The following OS9 variants were observed in gnomAD, a reference collection of about 807,000 sequenced individuals.
OS9 encodes OS9 endoplasmic reticulum lectin.
Under a neutral mutation model 84.7 loss-of-function variants are expected in OS9, and 58 were observed. That is an observed-to-expected ratio of 0.68 (90% CI 0.55 to 0.85). OS9 has a LOEUF of 0.85. Ranked by LOEUF, OS9 falls within the 40% of genes least tolerant of loss-of-function variation. The pLI is 0.00. For synonymous variants in OS9, 278 were observed against 320.8 expected, an observed-to-expected ratio of 0.87 and a Z score of 1.43; for missense variants, 760 against 850.9, an observed-to-expected ratio of 0.89 and a Z score of 1.33.
intron 5 of OS9, among the ~76,000 whole-genome samples, chr12:57,701,545 G>T (rs1954026792): frequency 6.6e-6 from 1 of 151,808 alleles, no homozygotes. Flanking sequence ...CAAAGTGCTG[G>T]GATTACAGGT....
intron 12 of OS9, 159 bp from the exon 13 acceptor site, chr12:57,719,940 G>A (rs1954623093): frequency 7.6e-6 from 5 of 660,894 alleles, no homozygotes; most frequent in Non-Finnish European, 1.3e-5. Context: ...TGAACTGGGA[G>A]GGGCGGGGCA....
chr12:57,699,817 T>C (rs1355880744), intron 5 of OS9, among the ~76,000 whole-genome samples: 2 of 152,056 alleles, frequency 1.3e-5, no homozygotes, highest in Non-Finnish European at 2.9e-5. Context: ...GGAACTCTGC[T>C]GGGCGCGGTG....
intron 12 of OS9, chr12:57,719,394 A>G (rs1332660691): frequency 2.3e-5 from 13 of 570,760 alleles, no homozygotes; most frequent in Non-Finnish European, 4.1e-5. Flanking sequence ...AGCAGCTTTT[A>G]GAGCATATCT....
chr12:57,697,861 A>AC lies in OS9; in HGVS notation c.579+1488_579+1489insC, dbSNP rs1171398793. Among the ~76,000 whole-genome samples, 32 of 140,568 alleles carry AC rather than the reference A, an allele frequency of 2.3e-4. 1 individual carries two copies. Among genetic ancestry groups the AC allele is most frequent in the African/African-American group, 8.2e-4 (30 of 36,684 alleles). 92.2% of individuals were successfully genotyped at this position (140,568 alleles called of 152,430 possible). ...AACTCCCAGGGAACCTAACATAAGC[A>AC]AACACACACACACACACACACACAC... On this transcript the variant is annotated intron_variant, in intron 5 of 14. Transcript: ENST00000315970.
In OS9 at chr12:57,715,763, C is replaced by T; in HGVS notation, c.583C>T (p.Leu195Phe). ...TTCATCCTTTCTGTCCTGGCAGTTC[C>T]TCTGTGACGAGGGTGCAGGTATCTC... Reference protein sequence around the residue: ...GRPREAEVRFLCDEGAGISGD... With the variant: ...GRPREAEVRFFCDEGAGISGD... Residue 195 changes from leucine (L) to phenylalanine (F), a missense_variant, in exon 6 of 15, where the codon CTC becomes TTC. Physicochemically the swap from Leu to Phe is conservative, Grantham distance 22. Transcript: ENST00000315970. The T allele has an allele frequency of 1.2e-6, 2 of 1,601,304 alleles. No individual in the cohort carries two copies. Among genetic ancestry groups the T allele is most frequent in the Non-Finnish European group, 1.7e-6 (2 of 1,172,872 alleles).
At chr12:57,703,883 T>A (rs1954093392) in intron 5 of OS9, among the ~76,000 whole-genome samples, 1 of 152,222 alleles carries the variant, frequency 6.6e-6, no homozygotes, top group African/African-American at 2.4e-5. Flanking sequence ...CCTTGTCTTG[T>A]TCCTAATCTT....
At chr12:57,696,469 G>GT in intron 5 of OS9, 96 bp downstream of exon 5, 1 of 481,418 alleles carries the variant, frequency 2.1e-6, no homozygotes, top group Non-Finnish European at 3.6e-6. Flanking sequence ...GGGGCGGGGG[G>GT]GGTCCCCTCC....
At chr12:57,695,348 C>T (rs915489269) in intron 2 of OS9, 3 of 382,784 alleles carry the variant, frequency 7.8e-6, no homozygotes, top group Non-Finnish European at 1.5e-5. Flanking sequence ...AGAGTGTAAA[C>T]TCCATGAGGT....
intron 8 of OS9, 68 bp from the exon 9 acceptor site, chr12:57,716,625 T>C (rs1371069749): frequency 3.9e-6 from 6 of 1,543,800 alleles, no homozygotes; most frequent in Middle Eastern, 3.4e-4. Context: ...CCCCAGAACC[T>C]TTGCCTTCAT....
intron 8 of OS9, 70 bp downstream of exon 8, chr12:57,716,582 G>A (rs1029053770): frequency 8.4e-5 from 127 of 1,507,552 alleles, no homozygotes; most frequent in Non-Finnish European, 1.1e-4. Context: ...CCATTGTGAG[G>A]TGACCTACAT....
intron 5 of OS9, among the ~76,000 whole-genome samples, chr12:57,706,210 T>C (rs1463996396): frequency 6.6e-6 from 1 of 152,212 alleles, no homozygotes; most frequent in Non-Finnish European, 1.5e-5. Context: ...ATTTTCACCA[T>C]GTATAGGTGT....
chr12:57,709,966 C>T (rs906507547), intron 5 of OS9, among the ~76,000 whole-genome samples: 17 of 151,976 alleles, frequency 1.1e-4, no homozygotes, highest in Admixed American at 3.3e-4. Flanking sequence ...GATTCTCGTG[C>T]GTCAGCCTCC....
intron 4 of OS9, 81 bp from the exon 5 acceptor site, chr12:57,696,194 T>C: frequency 1.5e-6 from 2 of 1,304,972 alleles, no homozygotes; most frequent in Non-Finnish European, 2.2e-6. Context: ...GCCATTCTTT[T>C]GTCTCTTTGG....
intron 9 of OS9, among the ~76,000 whole-genome samples, chr12:57,717,494 T>A (rs1463912710): frequency 6.6e-6 from 1 of 151,994 alleles, no homozygotes; most frequent in Non-Finnish European, 1.5e-5. Flanking sequence ...TAACACACCA[T>A]GTTGAAAAAG....
chr12:57,705,238 C>T (rs1048469074), intron 5 of OS9, among the ~76,000 whole-genome samples: 1 of 152,168 alleles, frequency 6.6e-6, no homozygotes, highest in Non-Finnish European at 1.5e-5. Flanking sequence ...TCTGTTAAAA[C>T]TCCTTTTGGG....
At chr12:57,706,126 G>A (rs1040694385) in intron 5 of OS9, among the ~76,000 whole-genome samples, 2 of 152,174 alleles carry the variant, frequency 1.3e-5, no homozygotes, top group Admixed American at 6.5e-5. Flanking sequence ...TTAGCGTGAT[G>A]TTTTCCTGCA....
Position 57,719,099 on chromosome 12 carries a change from A to C in OS9, c.1517A>C (p.Glu506Ala), listed in dbSNP as rs1954599862. 1 of 1,614,024 alleles carries C rather than the reference A, an allele frequency of 6.2e-7. No individual in the cohort carries two copies. The highest frequency in any genetic ancestry group is 1.7e-5 in the Admixed American group (1 of 59,996). The change falls in exon 12 of 15, where the codon GAA (glutamate) becomes GCA (alanine). Residue 506 changes from glutamate (E) to alanine (A), a missense_variant. Transcript: ENST00000315970. ...TLNKLIKRLE[E>A]KQSPELVKKH... ...AACAAACTCATCAAAAGACTGGAGG[A>C]AAAACAGAGTCCAGAGCTGGTGAAG...
Position 57,717,951 on chromosome 12 carries a change from C to T in OS9, c.1127C>T (p.Thr376Ile). The change falls in exon 10 of 15, where the codon ACA becomes ATA. Residue 376 changes from threonine to isoleucine, a missense_variant. Transcript: ENST00000315970. ...TTCATAGAGGAGCTGAAAGGTGGAA[C>T]AAAAAAGGTATAGGCCGTGCTTAGG... is the stretch of plus-strand genomic sequence containing the variant. ...IRFIEELKGGTKKGKPNIGQE... is the reference protein window; with the variant it reads ...IRFIEELKGGIKKGKPNIGQE... The T allele has an allele frequency of 6.2e-7, 1 of 1,611,090 alleles. No homozygotes were observed. Among genetic ancestry groups the T allele is most frequent in the South Asian group, 1.1e-5 (1 of 90,420 alleles).
Position 57,696,340 on chromosome 12 carries a change from C to A in OS9, c.546C>A (p.Asp182Glu). 6 of 1,613,144 alleles carry A rather than the reference C, an allele frequency of 3.7e-6. No individual in the cohort carries two copies. The highest frequency in any genetic ancestry group is 5.1e-6 in the Non-Finnish European group (6 of 1,179,544). ...SQTYGNGSKC[D>E]LNGRPREAEV... ...CCTATGGCAATGGGTCCAAGTGCGA[C>A]CTTAATGGGAGGCCCCGGGAGGCCG... Residue 182 changes from aspartate (D) to glutamate (E), a missense_variant, in exon 5 of 15, where the codon GAC becomes GAA. Transcript: ENST00000315970.
Sources: allele counts gnomAD v4.1 joint callset (sites outside exome capture counted in the v4.1 genomes callset), GRCh38; gene constraint gnomAD v4.1.1; transcripts MANE v1.5; gene names NCBI Gene and HGNC (gene_info 2026-07-23, HGNC 2026-07-21).